The following MOXD1 variants were observed in gnomAD, a reference collection of about 807,000 sequenced individuals.
MOXD1 encodes monooxygenase DBH like 1, also known as DBH-like monooxygenase protein 1.
MOXD1 carries 62 observed loss-of-function variants against 66.6 expected under a neutral mutation model. That is an observed-to-expected ratio of 0.93 (90% CI 0.76 to 1.15). The LOEUF (loss-of-function observed/expected upper bound fraction) is 1.15. Among genes scored for constraint, MOXD1 ranks in the 50% most tolerant of loss-of-function variants. The pLI, the probability that MOXD1 is intolerant of heterozygous loss-of-function variation, is 0.00. For synonymous variants in MOXD1, 303 were observed against 281.9 expected (o/e 1.07, Z -0.75); for missense variants, 847 against 754.6 (o/e 1.12, Z -1.44).
chr6:132,349,775 C>G (rs559638288), intron 4 of MOXD1, among the ~76,000 whole-genome samples: 3 of 151,868 alleles, frequency 2.0e-5, no homozygotes, highest in Non-Finnish European at 4.4e-5. Flanking sequence ...CGCATCCACA[C>G]CAACATCTCC....
chr6:132,304,607 T>G (rs1370003881), intron 10 of MOXD1, among the ~76,000 whole-genome samples: 1 of 152,206 alleles, frequency 6.6e-6, no homozygotes, highest in African/African-American at 2.4e-5. Context: ...AATTCTAGGA[T>G]TCTGTTGTTT....
Position 132,296,986 on chromosome 6 carries a change from C to G in MOXD1, c.*167G>C. ...GATATTTCTAAGAAAGAGAAGAGAA[C>G]CTGATTGATGTCTCTCATGTAACAT... On this transcript the variant is annotated 3_prime_UTR_variant, in exon 12 of 12. Coordinates refer to ENST00000367963, the MANE Select transcript of MOXD1 (RefSeq NM_015529.4). The G allele has an allele frequency of 1.2e-5, 7 of 567,034 alleles. No homozygotes were observed. In the South Asian group the frequency reaches 2.2e-4, roughly 18 times the overall value. The allele number at this position is 567,034 out of a possible 1,614,324, so 35.1% of individuals were successfully genotyped here. A position where few individuals can be genotyped will look rare whatever the true frequency, so the allele number is the denominator to read the frequency against.
intron 9 of MOXD1, among the ~76,000 whole-genome samples, chr6:132,318,254 A>G (rs183170336): frequency 9.2e-5 from 14 of 152,156 alleles, no homozygotes. Context: ...GTATATATGA[A>G]TCTCTAATTT....
At chr6:132,357,291 CTA>C (rs556718630) in intron 4 of MOXD1, among the ~76,000 whole-genome samples, 2 of 152,120 alleles carry the variant, frequency 1.3e-5, no homozygotes, top group East Asian at 3.9e-4. Flanking sequence ...ATTCTATTTG[CTA>C]TATGAGTGGA....
intron 1 of MOXD1, among the ~76,000 whole-genome samples, chr6:132,385,322 ACG>A (rs1776603053): frequency 6.6e-6 from 1 of 152,114 alleles, no homozygotes; most frequent in Non-Finnish European, 1.5e-5. Context: ...CAGAAACTTC[ACG>A]CTCAGCTTTG....
chr6:132,385,856 C>G (rs1776620670), intron 1 of MOXD1, among the ~76,000 whole-genome samples: 1 of 151,872 alleles, frequency 6.6e-6, no homozygotes, highest in South Asian at 2.1e-4. Flanking sequence ...TAAATCCCAG[C>G]CCTCTGGGAG....
chr6:132,314,946 C>T (rs958997164), intron 10 of MOXD1, among the ~76,000 whole-genome samples: 2 of 152,140 alleles, frequency 1.3e-5, no homozygotes, highest in Non-Finnish European at 2.9e-5. Context: ...ACATAATAGG[C>T]CCACCTCAGA....
intron 9 of MOXD1, among the ~76,000 whole-genome samples, chr6:132,319,666 TTTC>T (rs1318674735): frequency 2.0e-5 from 3 of 152,016 alleles, no homozygotes; most frequent in Admixed American, 6.6e-5. Context: ...CTCATTTTCA[TTTC>T]TTTTCCAGTA....
At chr6:132,379,737 G>A (rs1020666573) in intron 1 of MOXD1, among the ~76,000 whole-genome samples, 3 of 152,136 alleles carry the variant, frequency 2.0e-5, no homozygotes, top group Non-Finnish European at 4.4e-5. Context: ...ATCCAAAATT[G>A]TATTCATATT....
intron 4 of MOXD1, among the ~76,000 whole-genome samples, chr6:132,361,553 A>T (rs1346591668): frequency 2.0e-5 from 3 of 152,132 alleles, no homozygotes; most frequent in Non-Finnish European, 2.9e-5. Context: ...TAACTTGACA[A>T]ATGCAATCTC....
At chr6:132,398,285 T>C (rs1291652201) in intron 1 of MOXD1, among the ~76,000 whole-genome samples, 2 of 152,130 alleles carry the variant, frequency 1.3e-5, no homozygotes, top group Non-Finnish European at 2.9e-5. Context: ...TCGATAAAAA[T>C]TTACACTTAC....
intron 4 of MOXD1, among the ~76,000 whole-genome samples, chr6:132,336,388 A>C (rs898005157): frequency 6.6e-6 from 1 of 152,200 alleles, no homozygotes. Context: ...TTTCAGCCAG[A>C]ACTAACCATG....
intron 4 of MOXD1, among the ~76,000 whole-genome samples, chr6:132,367,546 T>G (rs1184845509): frequency 1.3e-5 from 2 of 152,000 alleles, no homozygotes; most frequent in African/African-American, 2.4e-5. Flanking sequence ...CCAGCAATGG[T>G]CAGCCTTTAA....
intron 10 of MOXD1, among the ~76,000 whole-genome samples, chr6:132,307,438 A>G (rs1049804975): frequency 8.5e-5 from 13 of 152,116 alleles, no homozygotes; most frequent in Non-Finnish European, 1.5e-4. Context: ...TAACACCCCA[A>G]TGTCAGTATT....
chr6:132,317,276 T>C (rs902607263), intron 9 of MOXD1, among the ~76,000 whole-genome samples: 1 of 152,186 alleles, frequency 6.6e-6, no homozygotes, highest in African/African-American at 2.4e-5. Flanking sequence ...ATACAATGAT[T>C]TTACTAATTG....
At position 132,372,986 on chromosome 6, in the gene MOXD1, C is replaced by T. The variant is rs1776298691; in HGVS notation, c.423G>A (p.Val141=). ...INDKSITDST[V]RVIWAYHHED... is the part of the protein sequence containing the mutation. The stretch of plus-strand genomic sequence containing the variant: ...CATGGTGGTAGGCCCAGATCACTCT[C>T]ACAGTGCTATCCTGGGGATCAGACA... The change falls in exon 3 of 12, where the codon GTG becomes GTA. Residue 141 remains valine (V), a synonymous_variant. Transcript: ENST00000367963. 3 of 1,613,344 alleles carry T rather than the reference C, an allele frequency of 1.9e-6. No homozygotes were observed. Among genetic ancestry groups the T allele is most frequent in the South Asian group, 1.1e-5 (1 of 90,974 alleles).
At chr6:132,351,352 G>T (rs367964272) in intron 4 of MOXD1, among the ~76,000 whole-genome samples, 1 of 152,064 alleles carries the variant, frequency 6.6e-6, no homozygotes, top group East Asian at 1.9e-4. Context: ...AATCGTAAAG[G>T]GATGCCAGAT....
intron 1 of MOXD1, among the ~76,000 whole-genome samples, chr6:132,400,004 G>A (rs1776985211): frequency 6.6e-6 from 1 of 152,070 alleles, no homozygotes; most frequent in Admixed American, 6.5e-5. Context: ...CTTATTTGGG[G>A]GAAGAAACGA....
At chr6:132,361,655 A>C (rs1466085213) in intron 4 of MOXD1, among the ~76,000 whole-genome samples, 1 of 152,104 alleles carries the variant, frequency 6.6e-6, no homozygotes, top group East Asian at 1.9e-4. Flanking sequence ...ACACAGCAAC[A>C]ACCACTATCA....
Sources: allele counts gnomAD v4.1 joint callset (sites outside exome capture counted in the v4.1 genomes callset), GRCh38; gene constraint gnomAD v4.1.1; transcripts MANE v1.5; gene names NCBI Gene and HGNC (gene_info 2026-07-23, HGNC 2026-07-21).